XDH: variants seen among roughly 807,000 people sequenced by gnomAD.
The protein encoded by XDH is xanthine dehydrogenase.
XDH carries 138 observed loss-of-function variants against 156.1 expected under a neutral mutation model. That is an observed-to-expected ratio of 0.88 (90% confidence interval 0.77 to 1.02). The LOEUF is 1.02. Ranked by LOEUF, XDH falls within the 50% of genes least tolerant of loss-of-function variation. The probability of loss-of-function intolerance (pLI) is 0.00; values close to 1 mark genes in which losing one functional copy is unlikely to be tolerated. For synonymous variants in XDH, 669 were observed against 625.7 expected, an observed-to-expected ratio of 1.07 and a Z score of -1.03; for missense variants, 1,849 against 1,684.9, an observed-to-expected ratio of 1.10 and a Z score of -1.71.
At chr2:31,339,397 C>T (rs1685059615) in intron 34 of XDH, 92 bp downstream of exon 34, 2 of 1,551,276 alleles carry the variant, frequency 1.3e-6, no homozygotes, top group Non-Finnish European at 1.8e-6. Flanking sequence ...CTTTGAAGTC[C>T]CACCAGGTGG....
Position 31,335,769 on chromosome 2 carries a change from T to A in XDH, c.*189A>T. The A allele has an allele frequency of 1.5e-6, 1 of 673,540 alleles. No individual in the cohort carries two copies. Among genetic ancestry groups the A allele is most frequent in the Non-Finnish European group, 2.6e-6 (1 of 380,300 alleles). 41.7% of individuals were successfully genotyped at this position (673,540 alleles called of 1,614,324 possible). On this transcript the variant is annotated 3_prime_UTR_variant, in exon 36 of 36. Transcript: ENST00000379416. ...GGCATAACAGTTTTGAATTTGCTTA[T>A]CATTGTGTTTACAAATTACATTTTT... is the stretch of plus-strand genomic sequence containing the variant.
chr2:31,409,323 C>A (rs894229585), intron 1 of XDH, among the ~76,000 whole-genome samples: 1 of 152,140 alleles, frequency 6.6e-6, no homozygotes, highest in Non-Finnish European at 1.5e-5. Context: ...AGGATAAATG[C>A]TTGAGGAGAT....
chr2:31,352,397 C>T (rs1685509832), intron 24 of XDH, among the ~76,000 whole-genome samples: 1 of 152,036 alleles, frequency 6.6e-6, no homozygotes, highest in Non-Finnish European at 1.5e-5. Context: ...TATGGGTACT[C>T]TCTCTCTCCC....
At chr2:31,353,300 G>T (rs991061170) in intron 24 of XDH, among the ~76,000 whole-genome samples, 2 of 152,108 alleles carry the variant, frequency 1.3e-5, no homozygotes, top group Admixed American at 6.5e-5. Context: ...AGCATCAACT[G>T]AGACTAAATA....
At chr2:31,401,362 G>A (rs1163197817) in intron 3 of XDH, 34 bp from the exon 4 acceptor site, 8 of 1,608,796 alleles carry the variant, frequency 5.0e-6, no homozygotes, top group Non-Finnish European at 6.8e-6. Context: ...TCCATTTATT[G>A]TCCACTCAGA....
intron 17 of XDH, among the ~76,000 whole-genome samples, chr2:31,370,933 G>A (rs959916183): frequency 6.6e-6 from 1 of 152,198 alleles, no homozygotes; most frequent in African/African-American, 2.4e-5. Flanking sequence ...ATATCAGAAC[G>A]AACAGCACTT....
intron 28 of XDH, 139 bp from the exon 29 acceptor site, chr2:31,347,789 T>A (rs1474557546): frequency 1.7e-6 from 2 of 1,186,954 alleles, no homozygotes; most frequent in East Asian, 4.9e-5. Flanking sequence ...GTCTGGGATG[T>A]CCTTACATCT....
rs373279221 is a variant in XDH, at chr2:31,386,432, C to A, written c.775G>T (p.Val259Leu). 1.9e-6 allele frequency: 3 copies of A among 1,613,514 alleles called. No homozygotes were observed. In the African/African-American group the frequency reaches 4.0e-5, roughly 22 times the overall value. The change falls in exon 9 of 36, where the codon GTG becomes TTG. Residue 259 changes from valine to leucine, a missense_variant. By Grantham distance (32) the Val-to-Leu change is conservative. Transcript: ENST00000379416. Reference protein sequence around the residue: ...KAQHPDAKLVVGNTEIGIEMK... With the variant: ...KAQHPDAKLVLGNTEIGIEMK... The stretch of plus-strand genomic sequence containing the variant: ...CCCTTACCAATCTCCGTGTTCCCCA[C>A]GACCAGCTTGGCGTCAGGGTGCTGA...
Position 31,339,501 on chromosome 2 carries a change from G to A in XDH, c.3762C>T (p.Ile1254=), listed in dbSNP as rs754297295. ...AGAGCAATGGTACCTTCGATGCATAGATGGCCTTCTTGTTGGGGCAGTCGC... is the reference window on the plus strand; with the variant it reads ...AGAGCAATGGTACCTTCGATGCATAAATGGCCTTCTTGTTGGGGCAGTCGC... The part of the protein sequence containing the change: ...LLRDCPNKKA[I]YASKAVGEPP... Residue 1254 remains isoleucine, a synonymous_variant, in exon 34 of 36, where the codon ATC becomes ATT. Transcript: ENST00000379416. 1.9e-6 allele frequency: 3 copies of A among 1,614,034 alleles called. No individual in the cohort carries two copies. In the African/African-American group the frequency reaches 4.0e-5, roughly 22 times the overall value.
intron 1 of XDH, among the ~76,000 whole-genome samples, chr2:31,414,038 G>C (rs534611293): frequency 4.9e-4 from 74 of 152,114 alleles, no homozygotes; most frequent in Non-Finnish European, 9.7e-4. Context: ...GGTGGGGAGT[G>C]GGGGGAATGC....
chr2:31,374,183 CTGAA>C, intron 15 of XDH, among the ~76,000 whole-genome samples: 1 of 152,296 alleles, frequency 6.6e-6, no homozygotes, highest in Non-Finnish European at 1.5e-5. Context: ...ACCCTGTAGA[CTGAA>C]TGGTCTGTAC....
intron 9 of XDH, chr2:31,384,198 A>G (rs1461820886): frequency 3.2e-6 from 1 of 314,908 alleles, no homozygotes; most frequent in Non-Finnish European, 6.1e-6. Context: ...TATGTCAGGA[A>G]CCCTTCTAAG....
Position 31,335,233 on chromosome 2 carries a change from T to G in XDH, c.*725A>C, listed in dbSNP as rs1684942873. The G allele has an allele frequency of 6.6e-6, 1 of 150,806 alleles. No individual in the cohort carries two copies. The highest frequency in any genetic ancestry group is 6.6e-5 in the Admixed American group (1 of 15,218). 9.3% of individuals were successfully genotyped at this position (150,806 alleles called of 1,614,324 possible). ...CAAATGTAAAGATTAAACATAATCT[T>G]TTTTGTAAATACTCAAAGAGTATTT... On this transcript the variant is annotated 3_prime_UTR_variant, in exon 36 of 36. Coordinates refer to ENST00000379416, the MANE Select transcript of XDH (RefSeq NM_000379.4).
At chr2:31,349,009 C>G (rs748041303) in intron 26 of XDH, 29 bp from the exon 27 acceptor site, 2 of 1,590,854 alleles carry the variant, frequency 1.3e-6, no homozygotes, top group East Asian at 2.2e-5. Flanking sequence ...TCTTATAGAA[C>G]CTTCGCTATC....
At chr2:31,369,731 T>C (rs1470593910) in intron 18 of XDH, among the ~76,000 whole-genome samples, 3 of 152,256 alleles carry the variant, frequency 2.0e-5, no homozygotes, top group Non-Finnish European at 2.9e-5. Context: ...TTTGTTCTCA[T>C]ATTTTTAGTT....
chr2:31,378,111 G>GAAAGAAAGAAAGAAAGAAAGA (rs1686310900), intron 13 of XDH, among the ~76,000 whole-genome samples: 1 of 41,718 alleles, frequency 2.4e-5, no homozygotes, highest in African/African-American at 1.1e-4. Context: ...AGAAAGAAAG[G>GAAAGAAAGAAAGAAAGAAAGA]AAGGAAGGAA....
chr2:31,371,109 C>T (rs1216917905), intron 17 of XDH, among the ~76,000 whole-genome samples: 1 of 152,218 alleles, frequency 6.6e-6, no homozygotes, highest in African/African-American at 2.4e-5. Context: ...GGCATCCTAC[C>T]ATAATTAGGC....
rs1286571246 is a variant in XDH at position 31,373,937 on chromosome 2, G to A, written c.1622C>T (p.Pro541Leu). ...CAGTAAAGTTGCACTGGCGAAAGTG[G>A]GGTCCAGTTTACCACACTTCTGTGG... Reference protein sequence around the residue: ...NLEDKCGKLDPTFASATLLFQ... With the variant: ...NLEDKCGKLDLTFASATLLFQ... The change falls in exon 16 of 36, where the codon CCC (proline) becomes CTC (leucine). Residue 541 changes from proline to leucine, a missense_variant. By Grantham distance (98) the Pro-to-Leu change is moderately conservative. Coordinates refer to ENST00000379416, the MANE Select transcript of XDH (RefSeq NM_000379.4). The A allele has an allele frequency of 1.2e-6, 2 of 1,613,798 alleles. No individual in the cohort carries two copies. The highest frequency in any genetic ancestry group is 1.7e-6 in the Non-Finnish European group (2 of 1,179,864).
intron 27 of XDH, among the ~76,000 whole-genome samples, 161 bp downstream of exon 27, chr2:31,348,737 AC>A (rs1468295950): frequency 9.8e-5 from 15 of 152,342 alleles, no homozygotes; most frequent in South Asian, 6.2e-4. Flanking sequence ...GACCTACTGG[AC>A]AAATAGGACT....
Sources: gnomAD v4.1 joint callset for allele counts (sites outside exome capture counted in the v4.1 genomes callset) on GRCh38, gnomAD v4.1.1 for gene constraint, MANE v1.5 for transcripts, NCBI Gene and HGNC (gene_info 2026-07-23, HGNC 2026-07-21) for gene names.